DYNC1H1: variants seen among roughly 807,000 people sequenced by gnomAD.
DYNC1H1 encodes the protein cytoplasmic dynein 1 heavy chain 1.
In DYNC1H1, 51 loss-of-function variants were observed where a neutral mutation model predicts 527.1. The ratio of observed to expected loss-of-function variants is 0.10; its 90% CI spans 0.08 to 0.12. DYNC1H1 has a LOEUF of 0.12. Among genes scored for constraint, DYNC1H1 ranks in the 10% least tolerant of loss-of-function variants. DYNC1H1 has a pLI of 1.00. For missense variants in DYNC1H1, 2,771 were observed against 5,971.8 expected (o/e 0.46, Z 17.66); for synonymous variants, 2,189 against 2,278.8 (o/e 0.96, Z 1.12).
chr14:102,047,159 A>G (rs2048730599), intron 72 of DYNC1H1, among the ~76,000 whole-genome samples: 1 of 152,050 alleles, frequency 6.6e-6, no homozygotes, highest in Non-Finnish European at 1.5e-5. Context: ...TTTAACAGTC[A>G]TGTTCTCGAC....
intron 34 of DYNC1H1, among the ~76,000 whole-genome samples, chr14:102,013,798 C>T (rs2152580609): frequency 1.3e-5 from 2 of 152,278 alleles, no homozygotes; most frequent in Middle Eastern, 6.8e-3. Flanking sequence ...GAGACTGCCT[C>T]AGACCTCCAG....
intron 1 of DYNC1H1, among the ~76,000 whole-genome samples, chr14:101,971,076 C>T (rs900421161): frequency 1.5e-5 from 2 of 137,152 alleles, no homozygotes; most frequent in African/African-American, 5.5e-5. Flanking sequence ...AGGAGAGGGC[C>T]GTATCATTCT....
intron 1 of DYNC1H1, among the ~76,000 whole-genome samples, chr14:101,974,265 A>G (rs2141265788): frequency 6.6e-6 from 1 of 151,768 alleles, no homozygotes; most frequent in Admixed American, 6.6e-5. Flanking sequence ...ATGCCTGGCT[A>G]ATTTTGTATT....
At chr14:101,993,935 C>T (rs922263388) in intron 11 of DYNC1H1, among the ~76,000 whole-genome samples, 7 of 152,158 alleles carry the variant, frequency 4.6e-5, no homozygotes, top group Non-Finnish European at 8.8e-5. Context: ...CAAATGGCTT[C>T]GTGCACTTTT....
In DYNC1H1 at chr14:102,017,562, A is replaced by T. The variant is rs1035719620; in HGVS notation, c.8177+58A>T. 8 of 1,613,996 alleles carry T rather than the reference A, an allele frequency of 5.0e-6. No homozygotes were observed. The African/African-American group carries it at 1.1e-4, about 22-fold the overall frequency. ...ACACGCACAGCTCCAGGATTGCTGT[A>T]AACACAGCGCCACAAAAACCTGGTT... On this transcript the variant is annotated intron_variant, in intron 40 of 77. Transcript: ENST00000360184. The surrounding 1 kb of genome is among the most constrained non-coding windows in gnomAD (Gnocchi z 4.6).
rs752951988 is a variant in DYNC1H1, at chr14:102,015,275, G to T, written c.7185G>T (p.Gln2395His). 1.2e-6 allele frequency: 2 copies of T among 1,614,230 alleles called. No homozygotes were observed. Among genetic ancestry groups the T allele is most frequent in the South Asian group, 1.1e-5 (1 of 91,090 alleles). Reference protein sequence around the residue: ...IPLDEGEDEAQRRRKGKEDEG... With the variant: ...IPLDEGEDEAHRRRKGKEDEG... ...TGGATGAAGGGGAGGATGAGGCACA[G>T]CGGCGGCGTAAGGGCAAAGAGGATG... Residue 2395 changes from glutamine to histidine, a missense_variant, in exon 35 of 78, where the codon CAG becomes CAT. Physicochemically the swap from Gln to His is conservative, Grantham distance 24 (BLOSUM62 0). Around this residue, in one of 32 missense-constraint regions of DYNC1H1, gnomAD observed 122 missense variants for 168.4 expected, o/e 0.72. Coordinates refer to ENST00000360184, the MANE Select transcript of DYNC1H1 (RefSeq NM_001376.5). The surrounding 1 kb of genome is among the most constrained non-coding windows in gnomAD (Gnocchi z 6.9).
intron 42 of DYNC1H1, 57 bp from the exon 43 acceptor site, chr14:102,022,694 G>A (rs2152586340): frequency 2.5e-6 from 4 of 1,612,640 alleles, no homozygotes; most frequent in East Asian, 2.2e-5. Context: ...TGGTGAACAT[G>A]GTGCTTCTTC....
In DYNC1H1 at chr14:102,053,360, C is replaced by T. The variant is rs1459577063; in HGVS notation, c.*2797C>T. On this transcript the variant is annotated 3_prime_UTR_variant, in exon 78 of 78. Coordinates refer to ENST00000360184, the MANE Select transcript of DYNC1H1 (RefSeq NM_001376.5). ...TCAGGCTGGTCTTGAACTCCTGACT[C>T]AGGTGATCCACCCGCCTCAGCCTCC... 1.3e-5 allele frequency: 2 copies of T among 151,924 alleles called. No individual in the cohort carries two copies. The highest frequency in any genetic ancestry group is 2.9e-5 in the Non-Finnish European group (2 of 68,032). The allele number at this position is 151,924 out of a possible 1,614,324, so 9.4% of individuals were successfully genotyped here.
At chr14:102,022,246 C>T (rs978500125) in intron 42 of DYNC1H1, among the ~76,000 whole-genome samples, 2 of 151,920 alleles carry the variant, frequency 1.3e-5, no homozygotes, top group African/African-American at 2.4e-5. Flanking sequence ...CCTGTAATCC[C>T]AGCACTTTGG....
chr14:101,993,842 C>T (rs2048025957), intron 11 of DYNC1H1, among the ~76,000 whole-genome samples: 1 of 152,192 alleles, frequency 6.6e-6, no homozygotes, highest in African/African-American at 2.4e-5. Context: ...GAGTGTAAGT[C>T]CCTGTGAGCA....
In DYNC1H1 at chr14:102,005,744, G is replaced by C. The variant is rs1162184505; in HGVS notation, c.5434-144G>C. The C allele has an allele frequency of 7.3e-6, 7 of 963,432 alleles. No homozygotes were observed. The highest frequency in any genetic ancestry group is 4.0e-5 in the Admixed American group (2 of 49,924). 59.7% of individuals were successfully genotyped at this position (963,432 alleles called of 1,614,324 possible). On this transcript the variant is annotated intron_variant, in intron 26 of 77. Transcript: ENST00000360184. The surrounding 1 kb of genome is among the most constrained non-coding windows in gnomAD (Gnocchi z 4.0). ...AGTAACATTTCTCTCATCTCTGAAA[G>C]TGAATTTGCCTTTTGGAACATTTAC...
At chr14:101,993,497 C>T (rs2048021965) in intron 11 of DYNC1H1, among the ~76,000 whole-genome samples, 1 of 152,188 alleles carries the variant, frequency 6.6e-6, no homozygotes, top group Non-Finnish European at 1.5e-5. Context: ...GACTTCAGCT[C>T]CTGCTGCTTC....
chr14:102,003,795 A>G (rs35340009), intron 23 of DYNC1H1, among the ~76,000 whole-genome samples: 50,187 of 151,728 alleles, frequency 0.33, 11,683 homozygotes, highest in African/African-American at 0.67. Flanking sequence ...GCATGATGGC[A>G]GCTGCCTATA....
At chr14:101,992,946 T>G (rs1391532106) in intron 11 of DYNC1H1, among the ~76,000 whole-genome samples, 1 of 152,162 alleles carries the variant, frequency 6.6e-6, no homozygotes, top group Non-Finnish European at 1.5e-5. Flanking sequence ...CATTGTGGTC[T>G]CATCTAGTCT....
chr14:102,028,371 C>G (rs1207917504), intron 48 of DYNC1H1: 2 of 461,584 alleles, frequency 4.3e-6, no homozygotes, highest in East Asian at 4.7e-5. Flanking sequence ...GAAAATTAGC[C>G]GGGCATGGTG....
At chr14:102,007,656 G>A (rs1403174724) in intron 28 of DYNC1H1, among the ~76,000 whole-genome samples, 2 of 152,142 alleles carry the variant, frequency 1.3e-5, no homozygotes, top group Non-Finnish European at 2.9e-5. Context: ...ATGAGGAGAT[G>A]TGCATTTCAA....
rs1159122651 is a variant in DYNC1H1, at chr14:101,994,750, A to G, written c.3234A>G (p.Lys1078=). The G allele has an allele frequency of 1.9e-6, 3 of 1,614,128 alleles. No homozygotes were observed. In the African/African-American group the frequency reaches 4.0e-5, roughly 22 times the overall value. Residue 1078 remains lysine, a synonymous_variant, in exon 13 of 78, where the codon AAA becomes AAG. Transcript: ENST00000360184. ...ACAGACTTGGAGAAGATCTCAACAA[A>G]TGGCAGGCTCTCCTGGTCCAAATAA... The part of the protein sequence containing the change: ...IYNRLGEDLN[K]WQALLVQIRK...
At chr14:102,007,191 A>C in intron 28 of DYNC1H1, 83 bp downstream of exon 28, 1 of 1,425,684 alleles carries the variant, frequency 7.0e-7, no homozygotes. Flanking sequence ...ACCTCTCTCA[A>C]AGCCATTGGT....
Position 102,010,787 on chromosome 14 carries a change from A to G in DYNC1H1, c.6453A>G (p.Ala2151=). 1.2e-6 allele frequency: 2 copies of G among 1,613,818 alleles called. No homozygotes were observed. Among genetic ancestry groups the G allele is most frequent in the Non-Finnish European group, 1.7e-6 (2 of 1,179,980 alleles). ...AGACGATGGTGCCAAAGCTGGTGGCAGAGGACATCCCGCTGCTCTTCAGCC... is the reference window on the plus strand; with the variant it reads ...AGACGATGGTGCCAAAGCTGGTGGCGGAGGACATCCCGCTGCTCTTCAGCC... The part of the protein sequence containing the change: ...VCETMVPKLV[A]EDIPLLFSLL... The change falls in exon 32 of 78, where the codon GCA becomes GCG. Residue 2151 remains alanine, a synonymous_variant. Coordinates refer to ENST00000360184, the MANE Select transcript of DYNC1H1 (RefSeq NM_001376.5). This position sits in a 1 kb window ranked among gnomAD's most constrained non-coding sequence, Gnocchi z 6.0.
Sources: gnomAD v4.1 joint callset for allele counts (sites outside exome capture counted in the v4.1 genomes callset) on GRCh38, gnomAD v4.1.1 for gene constraint, gnomAD v4.1.1 regional missense constraint, Gnocchi (gnomAD v3.1) non-coding constraint, MANE v1.5 for transcripts, NCBI Gene and HGNC (gene_info 2026-07-23, HGNC 2026-07-21) for gene names.